FANCB: variants seen among roughly 807,000 people sequenced by gnomAD.
FANCB encodes Fanconi anemia group B protein.
FANCB carries 5 observed loss-of-function variants against 38.9 expected under a neutral mutation model. The ratio of observed to expected loss-of-function variants is 0.13; its 90% CI spans 0.07 to 0.27. The LOEUF is 0.27. Ranked by LOEUF, FANCB falls within the 10% of genes least tolerant of loss-of-function variation. The pLI is 1.00. For missense variants in FANCB, 573 were observed against 602.7 expected, an observed-to-expected ratio of 0.95 and a Z score of 0.52; for synonymous variants, 236 against 215.4, an observed-to-expected ratio of 1.10 and a Z score of -0.84.
At chrX:14,729,613 A>G in the FANCB span, among the ~76,000 whole-genome samples, 1 of 111,902 alleles carries the variant, frequency 8.9e-6, no homozygotes, top group South Asian at 3.7e-4. Flanking sequence ...TTATTAATGA[A>G]TATTTAATCT....
At chrX:14,699,658 C>G in the FANCB span, among the ~76,000 whole-genome samples, 2 of 111,445 alleles carry the variant, frequency 1.8e-5, no homozygotes, top group African/African-American at 6.6e-5. Flanking sequence ...AATAGAAGAC[C>G]AGAACTTATT....
At chrX:14,750,434 C>T in the FANCB span, among the ~76,000 whole-genome samples, 1 of 112,107 alleles carries the variant, frequency 8.9e-6, no homozygotes, top group Non-Finnish European at 1.9e-5. Context: ...CGGCCGAATC[C>T]TCTGTATCTG....
At chrX:14,779,909 C>T in the FANCB span, among the ~76,000 whole-genome samples, 11 of 110,881 alleles carry the variant, frequency 9.9e-5, 1 homozygote, top group African/African-American at 3.7e-4. Flanking sequence ...ATTAATAAAC[C>T]TTAGTTGATA....
chrX:14,691,314 TGTGTGTGTGTGC>T, the FANCB span, among the ~76,000 whole-genome samples: 70 of 92,785 alleles, frequency 7.5e-4, no homozygotes, highest in African/African-American at 3.1e-3. Flanking sequence ...TGTGTGTGTG[TGTGTGTGTGTGC>T]GCGCGTGCGT....
chrX:14,764,271 G>C, the FANCB span, among the ~76,000 whole-genome samples: 22 of 110,673 alleles, frequency 2.0e-4, no homozygotes, highest in East Asian at 1.7e-3. Context: ...GCAGCTGTAC[G>C]ACTGAGATCC....
chrX:14,811,229 C>A, the FANCB span, among the ~76,000 whole-genome samples: 1 of 111,430 alleles, frequency 9.0e-6, no homozygotes, highest in East Asian at 2.8e-4. Context: ...ATTGTAAAGA[C>A]CATCGAGGCT....
the FANCB span, among the ~76,000 whole-genome samples, chrX:14,734,799 A>G: frequency 2.7e-5 from 3 of 110,273 alleles, no homozygotes; most frequent in African/African-American, 9.9e-5. Flanking sequence ...GCTCTCCTGG[A>G]TGATATCCTG....
chrX:14,697,317 G>GT, the FANCB span, among the ~76,000 whole-genome samples: 4 of 111,910 alleles, frequency 3.6e-5, no homozygotes, highest in African/African-American at 9.7e-5. Context: ...TAAACAAAAT[G>GT]TTTTTTATTA....
chrX:14,709,783 T>A, the FANCB span, among the ~76,000 whole-genome samples: 1 of 111,962 alleles, frequency 8.9e-6, no homozygotes, highest in Non-Finnish European at 1.9e-5. Context: ...CTGCTTTGAA[T>A]GTCCTTGAGA....
At chrX:14,739,730 C>T in the FANCB span, among the ~76,000 whole-genome samples, 1 of 111,452 alleles carries the variant, frequency 9.0e-6, no homozygotes, top group South Asian at 3.8e-4. Flanking sequence ...GGGAAAATGA[C>T]GTTTGCTTTG....
At chrX:14,758,844 A>G in the FANCB span, among the ~76,000 whole-genome samples, 1 of 111,816 alleles carries the variant, frequency 8.9e-6, no homozygotes. Flanking sequence ...AGATCATACT[A>G]GCTCACCAGC....
downstream of FANCB, among the ~76,000 whole-genome samples, chrX:14,834,082 A>G (rs1271074448): frequency 8.9e-6 from 1 of 112,085 alleles, no homozygotes; most frequent in Non-Finnish European, 1.9e-5. Context: ...CCTAAACCAC[A>G]TGGATCAAGA....
chrX:14,760,676 A>C, the FANCB span, among the ~76,000 whole-genome samples: 1 of 112,243 alleles, frequency 8.9e-6, no homozygotes, highest in South Asian at 3.7e-4. Context: ...TTTTTAAAAA[A>C]CAAAAAAGCC....
the FANCB span, among the ~76,000 whole-genome samples, chrX:14,824,539 G>C: frequency 1.8e-5 from 2 of 111,892 alleles, no homozygotes; most frequent in Admixed American, 1.9e-4. Flanking sequence ...AAACATTAGT[G>C]TACAGGTGTT....
At chrX:14,727,173 A>T in the FANCB span, among the ~76,000 whole-genome samples, 2 of 111,568 alleles carry the variant, frequency 1.8e-5, no homozygotes, top group African/African-American at 6.5e-5. Flanking sequence ...TAAAAAAAAT[A>T]GACCCTAAGT....
chrX:14,801,796 C>T, the FANCB span, among the ~76,000 whole-genome samples: 1 of 110,463 alleles, frequency 9.1e-6, no homozygotes, highest in South Asian at 3.9e-4. Context: ...CATGTAGCCA[C>T]CCTTCTATTT....
At chrX:14,709,050 A>ATAAC in the FANCB span, among the ~76,000 whole-genome samples, 1 of 111,875 alleles carries the variant, frequency 8.9e-6, no homozygotes, top group African/African-American at 3.3e-5. Flanking sequence ...GCCTCTGATT[A>ATAAC]TAACTATTGT....
chrX:14,731,361 C>T, the FANCB span: 1 of 111,784 alleles, frequency 8.9e-6, no homozygotes, highest in Non-Finnish European at 1.9e-5. Flanking sequence ...TATATTTACA[C>T]GTGACTTTAA....
chrX:14,702,010 G>C, the FANCB span, among the ~76,000 whole-genome samples: 1 of 112,197 alleles, frequency 8.9e-6, no homozygotes, highest in Admixed American at 9.5e-5. Context: ...TTCTCCACTT[G>C]GTAGTGCCAG....
Sources: gnomAD v4.1 joint callset for allele counts (sites outside exome capture counted in the v4.1 genomes callset) on GRCh38, gnomAD v4.1.1 for gene constraint, MANE v1.5 for transcripts, NCBI Gene and HGNC (gene_info 2026-07-23, HGNC 2026-07-21) for gene names.